Variants in HSPBAP1 observed in about 807,000 individuals in gnomAD.
HSPBAP1 encodes HSPB1 associated protein 1.
In HSPBAP1, 27 loss-of-function variants were observed where a neutral mutation model predicts 45.2. The observed-to-expected ratio is 0.60, with a 90% CI of 0.44 to 0.82. HSPBAP1 has a LOEUF of 0.82. Ranked by LOEUF, HSPBAP1 falls within the 40% of genes least tolerant of loss-of-function variation. HSPBAP1 has a pLI of 0.00. For missense variants in HSPBAP1, 510 were observed against 590.9 expected, an observed-to-expected ratio of 0.86 and a Z score of 1.42; for synonymous variants, 204 against 202.7, an observed-to-expected ratio of 1.01 and a Z score of -0.06.
intron 2 of HSPBAP1, among the ~76,000 whole-genome samples, chr3:122,774,064 G>T (rs1163871242): frequency 6.6e-6 from 1 of 152,210 alleles, no homozygotes; most frequent in Non-Finnish European, 1.5e-5. Context: ...ATGTTTCAAA[G>T]TCTTTCATTC....
At chr3:122,783,625 C>T (rs1293507230) in intron 1 of HSPBAP1, among the ~76,000 whole-genome samples, 1 of 152,184 alleles carries the variant, frequency 6.6e-6, no homozygotes, top group African/African-American at 2.4e-5. Context: ...GCTTACTTAA[C>T]ATCTATATAG....
intron 6 of HSPBAP1, among the ~76,000 whole-genome samples, chr3:122,752,277 T>C (rs936711241): frequency 1.7e-4 from 26 of 152,112 alleles, no homozygotes; most frequent in Non-Finnish European, 2.9e-4. Context: ...GGGACACATA[T>C]CGGCAAATCT....
At chr3:122,780,638 T>C (rs1422936159) in intron 1 of HSPBAP1, among the ~76,000 whole-genome samples, 1 of 146,690 alleles carries the variant, frequency 6.8e-6, no homozygotes, top group Non-Finnish European at 1.5e-5. Flanking sequence ...ACAGGGCGGC[T>C]GGCCAGGCGG....
At chr3:122,765,465 C>T (rs1334252738) in intron 3 of HSPBAP1, among the ~76,000 whole-genome samples, 1 of 151,574 alleles carries the variant, frequency 6.6e-6, no homozygotes, top group Non-Finnish European at 1.5e-5. Context: ...CCTGTAATCC[C>T]AGCTACTCAG....
At chr3:122,786,981 C>T (rs1295632165) in intron 1 of HSPBAP1, among the ~76,000 whole-genome samples, 1 of 152,204 alleles carries the variant, frequency 6.6e-6, no homozygotes, top group Non-Finnish European at 1.5e-5. Context: ...CCTATGGATG[C>T]ACCCAGTTAT....
intron 1 of HSPBAP1, 73 bp from the exon 2 acceptor site, chr3:122,777,979 G>T: frequency 1.0e-6 from 1 of 957,766 alleles, no homozygotes; most frequent in Non-Finnish European, 1.6e-6. Context: ...AGAAAAAATA[G>T]CTAATATTGT....
At chr3:122,755,053 G>C (rs371466494) in intron 5 of HSPBAP1, 1 of 1,213,616 alleles carries the variant, frequency 8.2e-7, no homozygotes, top group Non-Finnish European at 1.0e-6. Context: ...GTTCCCTCTT[G>C]CCATTTCCTT....
chr3:122,777,943 C>A, intron 1 of HSPBAP1, 37 bp from the exon 2 acceptor site: 3 of 1,451,612 alleles, frequency 2.1e-6, no homozygotes, highest in South Asian at 1.2e-5. Flanking sequence ...AGATAGAAAA[C>A]TATCAAGTTT....
chr3:122,743,653 G>C (rs972951047), intron 6 of HSPBAP1, among the ~76,000 whole-genome samples: 1 of 152,008 alleles, frequency 6.6e-6, no homozygotes, highest in African/African-American at 2.4e-5. Flanking sequence ...TGGGTCATAT[G>C]GTATATCAGT....
intron 6 of HSPBAP1, 38 bp from the exon 7 acceptor site, chr3:122,741,151 C>T: frequency 7.1e-7 from 1 of 1,405,480 alleles, no homozygotes; most frequent in Non-Finnish European, 1.0e-6. Flanking sequence ...TCTGTTAAGT[C>T]TCATGGCTTT....
intron 2 of HSPBAP1, among the ~76,000 whole-genome samples, chr3:122,774,060 CA>C (rs1366318300): frequency 6.6e-6 from 1 of 152,226 alleles, no homozygotes; most frequent in Non-Finnish European, 1.5e-5. Flanking sequence ...CTGTATGTTT[CA>C]AAGTCTTTCA....
intron 2 of HSPBAP1, among the ~76,000 whole-genome samples, chr3:122,775,839 C>T (rs1171640610): frequency 6.6e-6 from 1 of 152,170 alleles, no homozygotes; most frequent in Non-Finnish European, 1.5e-5. Flanking sequence ...GTAGCATTAT[C>T]TGTAATAGCC....
Position 122,780,891 on chromosome 3 carries a change from C to A in HSPBAP1, c.65-2985G>T, listed in dbSNP as rs1160208925. Among the ~76,000 whole-genome samples, 2 of 95,924 alleles carry A rather than the reference C, an allele frequency of 2.1e-5. 1 individual carries two copies. Among genetic ancestry groups the A allele is most frequent in the African/African-American group, 6.3e-5 (2 of 31,498 alleles). 62.9% of individuals were successfully genotyped at this position (95,924 alleles called of 152,430 possible). ...CCTCCCAGACGGGGTCGCGGCCGGG[C>A]AGAGGCACTCCTCACATCCCAGACG... On this transcript the variant is annotated intron_variant, in intron 1 of 7. Transcript: ENST00000306103.
intron 2 of HSPBAP1, among the ~76,000 whole-genome samples, chr3:122,772,362 G>A (rs551591622): frequency 4.6e-5 from 7 of 152,182 alleles, no homozygotes; most frequent in African/African-American, 1.7e-4. Context: ...TAATTAGGGA[G>A]GATGAATTGT....
chr3:122,747,902 C>T (rs1020740145), intron 6 of HSPBAP1, among the ~76,000 whole-genome samples: 58 of 152,258 alleles, frequency 3.8e-4, no homozygotes, highest in African/African-American at 1.2e-3. Context: ...TCATTGAGAA[C>T]GGGCCATGAT....
At chr3:122,781,843 C>A (rs571603793) in intron 1 of HSPBAP1, among the ~76,000 whole-genome samples, 1 of 152,242 alleles carries the variant, frequency 6.6e-6, no homozygotes, top group South Asian at 2.1e-4. Flanking sequence ...TATATATACA[C>A]ACCATATTTT....
intron 1 of HSPBAP1, among the ~76,000 whole-genome samples, chr3:122,778,287 C>T (rs1216008902): frequency 6.8e-6 from 1 of 146,852 alleles, no homozygotes; most frequent in African/African-American, 2.5e-5. Context: ...AACTTATTAA[C>T]AATAAAAAGT....
chr3:122,781,654 T>C (rs1237004962), intron 1 of HSPBAP1, among the ~76,000 whole-genome samples: 4 of 152,230 alleles, frequency 2.6e-5, no homozygotes, highest in Middle Eastern at 3.2e-3. Context: ...TCCCAGTGTT[T>C]ACTGTTCCCA....
intron 3 of HSPBAP1, among the ~76,000 whole-genome samples, chr3:122,766,542 C>A (rs1344214197): frequency 6.6e-6 from 1 of 152,180 alleles, no homozygotes; most frequent in East Asian, 1.9e-4. Flanking sequence ...AAAGGCTGCC[C>A]TTTATATCCG....
Sources: allele counts gnomAD v4.1 joint callset (sites outside exome capture counted in the v4.1 genomes callset), GRCh38; gene constraint gnomAD v4.1.1; transcripts MANE v1.5; gene names NCBI Gene and HGNC (gene_info 2026-07-23, HGNC 2026-07-21).